LDLRAD3: variants seen among roughly 807,000 people sequenced by gnomAD.
LDLRAD3 encodes the protein low-density lipoprotein receptor class A domain-containing protein 3.
LDLRAD3 carries 20 observed loss-of-function variants against 29.4 expected under a neutral mutation model. The observed-to-expected ratio is 0.68, with a 90% CI of 0.48 to 0.99. The LOEUF (loss-of-function observed/expected upper bound fraction) is 0.99. Ranked by LOEUF, LDLRAD3 falls within the 50% of genes least tolerant of loss-of-function variation. LDLRAD3 has a pLI of 0.00. For missense variants in LDLRAD3, 420 were observed against 454.3 expected (o/e 0.92, Z 0.69); for synonymous variants, 157 against 192.7 (o/e 0.81, Z 1.53).
intron 1 of LDLRAD3, among the ~76,000 whole-genome samples, chr11:35,945,809 CTGTAAAAATAGT>C (rs1402689473): frequency 6.6e-6 from 1 of 152,180 alleles, no homozygotes; most frequent in African/African-American, 2.4e-5. Flanking sequence ...GTCTCCATCT[CTGTAAAAATAGT>C]TGTAAAGTTA....
Position 36,055,703 on chromosome 11 carries a change from T to C in LDLRAD3, c.193+19454T>C, listed in dbSNP as rs570985610. The stretch of plus-strand genomic sequence containing the variant: ...TGTGGTCTTCCTAGTTAGTATACTT[T>C]GGTGCAAAGAATGAACTCTTGCTGT... On this transcript the variant is annotated intron_variant, in intron 2 of 5. Transcript: ENST00000315571. Among the ~76,000 whole-genome samples the C allele has an allele frequency of 5.7e-4, 87 of 152,336 alleles. No individual in the cohort carries two copies. The South Asian group carries it at 0.018, about 32-fold the overall frequency.
chr11:35,949,019 A>G (rs1022844286), intron 1 of LDLRAD3, among the ~76,000 whole-genome samples: 7 of 151,730 alleles, frequency 4.6e-5, no homozygotes, highest in Non-Finnish European at 1.0e-4. Context: ...GTGCATCATT[A>G]CTGTGCATCA....
At chr11:36,120,306 C>T (rs936892899) in intron 4 of LDLRAD3, among the ~76,000 whole-genome samples, 1 of 151,994 alleles carries the variant, frequency 6.6e-6, no homozygotes, top group African/African-American at 2.4e-5. Flanking sequence ...GACCTTATAA[C>T]ACCACACACG....
chr11:36,042,534 A>G (rs1852395486), intron 2 of LDLRAD3, among the ~76,000 whole-genome samples: 1 of 152,214 alleles, frequency 6.6e-6, no homozygotes, highest in Non-Finnish European at 1.5e-5. Context: ...ATCACTCTGT[A>G]GAAAGCAGAA....
At chr11:36,111,515 C>G (rs906713545) in intron 4 of LDLRAD3, among the ~76,000 whole-genome samples, 5 of 152,058 alleles carry the variant, frequency 3.3e-5, no homozygotes, top group African/African-American at 1.2e-4. Flanking sequence ...TCACATCCCC[C>G]AAGTACTCCA....
chr11:36,074,008 G>A lies in LDLRAD3; in HGVS notation c.194-7645G>A, dbSNP rs114243500. On this transcript the variant is annotated intron_variant, in intron 2 of 5. Transcript: ENST00000315571. ...TCTGTAAAATGTTTTTTTTGTGTGT[G>A]TGAGAACTTAAAGAAAAAGATATCT... Among the ~76,000 whole-genome samples, 468 of 152,150 alleles carry A rather than the reference G, an allele frequency of 3.1e-3. 1 individual carries two copies. The highest frequency in any genetic ancestry group is 0.011 in the African/African-American group (457 of 41,508).
chr11:36,122,669 G>A (rs751056200), intron 4 of LDLRAD3, among the ~76,000 whole-genome samples: 3 of 152,092 alleles, frequency 2.0e-5, no homozygotes, highest in Non-Finnish European at 2.9e-5. Context: ...GTCTAGTGAA[G>A]GAGATAAACT....
intron 1 of LDLRAD3, among the ~76,000 whole-genome samples, chr11:35,957,856 T>A (rs1851225015): frequency 2.2e-5 from 3 of 135,362 alleles, no homozygotes; most frequent in Admixed American, 2.1e-4. Flanking sequence ...CACATCTGTG[T>A]TATTTTAAGT....
chr11:36,055,889 G>A (rs1193715560), intron 2 of LDLRAD3, among the ~76,000 whole-genome samples: 1 of 150,686 alleles, frequency 6.6e-6, no homozygotes, highest in Non-Finnish European at 1.5e-5. Flanking sequence ...AGGTGGACCT[G>A]CACATGTAGG....
At chr11:36,007,752 C>G (rs1158419533) in intron 1 of LDLRAD3, among the ~76,000 whole-genome samples, 6 of 152,204 alleles carry the variant, frequency 3.9e-5, no homozygotes, top group Admixed American at 1.3e-4. Context: ...ACTTTGCAGC[C>G]TCTGCAGACC....
chr11:36,145,722 T>C (rs950707538), intron 4 of LDLRAD3, among the ~76,000 whole-genome samples: 11 of 151,298 alleles, frequency 7.3e-5, no homozygotes, highest in African/African-American at 2.7e-4. Flanking sequence ...CCCTGTGCTC[T>C]CTGAAACATG....
chr11:36,129,418 C>G (rs1195989162), intron 4 of LDLRAD3, among the ~76,000 whole-genome samples: 1 of 152,136 alleles, frequency 6.6e-6, no homozygotes, highest in Non-Finnish European at 1.5e-5. Context: ...ATAGCCTGTG[C>G]CAACCTAGAA....
At chr11:36,061,360 C>T (rs556569871) in intron 2 of LDLRAD3, among the ~76,000 whole-genome samples, 173 of 152,240 alleles carry the variant, frequency 1.1e-3, no homozygotes, top group Non-Finnish European at 1.9e-3. Context: ...AGGCTGGTCT[C>T]GAACTTCTGA....
At chr11:36,084,523 A>G (rs1211442675) in intron 3 of LDLRAD3, among the ~76,000 whole-genome samples, 1 of 152,208 alleles carries the variant, frequency 6.6e-6, no homozygotes, top group Non-Finnish European at 1.5e-5. Flanking sequence ...ACTATGTTGG[A>G]AAGTGGTAAA....
intron 4 of LDLRAD3, among the ~76,000 whole-genome samples, chr11:36,102,235 C>T (rs1853460918): frequency 6.6e-6 from 1 of 152,154 alleles, no homozygotes; most frequent in Admixed American, 6.5e-5. Context: ...GAGTACTCTG[C>T]TAAGCACCTC....
At chr11:35,947,338 C>T (rs182488080) in intron 1 of LDLRAD3, among the ~76,000 whole-genome samples, 7 of 151,904 alleles carry the variant, frequency 4.6e-5, no homozygotes, top group South Asian at 2.1e-4. Context: ...GTGAAACCGT[C>T]GTCTCTACTA....
intron 2 of LDLRAD3, 122 bp downstream of exon 2, chr11:36,036,371 C>T (rs1016338933): frequency 2.7e-6 from 3 of 1,096,462 alleles, no homozygotes; most frequent in Non-Finnish European, 4.0e-6. Flanking sequence ...TTTTGTGCCT[C>T]TTGCCAGCAG....
At chr11:36,121,753 A>G (rs954943178) in intron 4 of LDLRAD3, among the ~76,000 whole-genome samples, 3 of 152,226 alleles carry the variant, frequency 2.0e-5, no homozygotes, top group Non-Finnish European at 4.4e-5. Context: ...CACACAGTAC[A>G]TAAACCCAAA....
At chr11:36,058,519 T>C (rs1356413007) in intron 2 of LDLRAD3, among the ~76,000 whole-genome samples, 1 of 152,210 alleles carries the variant, frequency 6.6e-6, no homozygotes, top group African/African-American at 2.4e-5. Context: ...TTAGTGGCAC[T>C]GCAAATCAAA....
Sources: gnomAD v4.1 joint callset for allele counts (sites outside exome capture counted in the v4.1 genomes callset) on GRCh38, gnomAD v4.1.1 for gene constraint, MANE v1.5 for transcripts, NCBI Gene and HGNC (gene_info 2026-07-23, HGNC 2026-07-21) for gene names.